The following DLEU7 variants were observed in gnomAD, a reference collection of about 807,000 sequenced individuals.
The protein encoded by DLEU7 is leukemia-associated protein 7.
DLEU7 carries 17 observed loss-of-function variants against 16.0 expected under a neutral mutation model. The ratio of observed to expected loss-of-function variants is 1.06; its 90% CI spans 0.73 to 1.59. The LOEUF is 1.59. Ranked by LOEUF, DLEU7 falls within the 40% of genes most tolerant of loss-of-function variation. The pLI is 0.00. For synonymous variants in DLEU7, 113 were observed against 139.8 expected (o/e 0.81, Z 1.35); for missense variants, 308 against 314.9 (o/e 0.98, Z 0.17).
chr13:50,841,938 C>A (rs1006579606), intron 1 of DLEU7, among the ~76,000 whole-genome samples: 7 of 151,688 alleles, frequency 4.6e-5, no homozygotes, highest in African/African-American at 1.4e-4. Context: ...TTGCCTCCCA[C>A]CCCACCGCCC....
intron 1 of DLEU7, among the ~76,000 whole-genome samples, chr13:50,745,667 A>G (rs546101584): frequency 1.3e-5 from 2 of 152,290 alleles, no homozygotes; most frequent in South Asian, 4.1e-4. Context: ...TAAAATGCTG[A>G]AAGAAGTCAT....
At chr13:50,738,882 AG>A (rs1593535299) in intron 1 of DLEU7, among the ~76,000 whole-genome samples, 1 of 151,794 alleles carries the variant, frequency 6.6e-6, no homozygotes, top group African/African-American at 2.4e-5. Context: ...ATGATCTACA[AG>A]TTCTTAGGTG....
intron 1 of DLEU7, among the ~76,000 whole-genome samples, chr13:50,756,861 T>C (rs997182459): frequency 6.6e-6 from 1 of 152,210 alleles, no homozygotes; most frequent in Non-Finnish European, 1.5e-5. Context: ...AATAGCCTGC[T>C]TGGGGACCCA....
intron 1 of DLEU7, among the ~76,000 whole-genome samples, chr13:50,745,797 T>C (rs1443578942): frequency 6.6e-6 from 1 of 152,156 alleles, no homozygotes; most frequent in African/African-American, 2.4e-5. Flanking sequence ...TGAATGGCAG[T>C]GAATTTCCTG....
intron 1 of DLEU7, among the ~76,000 whole-genome samples, chr13:50,798,137 A>T (rs770191809): frequency 6.6e-6 from 1 of 152,204 alleles, no homozygotes; most frequent in Non-Finnish European, 1.5e-5. Flanking sequence ...CCTTGATGGC[A>T]GTTGTCTATT....
intron 1 of DLEU7, among the ~76,000 whole-genome samples, chr13:50,814,799 A>G (rs968758079): frequency 1.9e-5 from 2 of 107,972 alleles, no homozygotes; most frequent in African/African-American, 6.6e-5. Context: ...GTTCTATGCA[A>G]TTTAATCCTG....
chr13:50,762,189 CAAAA>C (rs71085045), intron 1 of DLEU7, among the ~76,000 whole-genome samples: 3 of 84,284 alleles, frequency 3.6e-5, no homozygotes, highest in Admixed American at 1.4e-4. Flanking sequence ...AGACTCGTCT[CAAAA>C]AAAAAAAAAA....
At chr13:50,754,293 T>G (rs1017729962) in intron 1 of DLEU7, among the ~76,000 whole-genome samples, 4 of 152,242 alleles carry the variant, frequency 2.6e-5, no homozygotes, top group African/African-American at 9.6e-5. Context: ...ACTATTATTG[T>G]GTTGCTGTCT....
chr13:50,835,802 A>C (rs2137813892), intron 1 of DLEU7, among the ~76,000 whole-genome samples: 1 of 152,360 alleles, frequency 6.6e-6, no homozygotes, highest in South Asian at 2.1e-4. Context: ...TTCTTGAACA[A>C]CTGAAAATGC....
At chr13:50,781,212 A>G (rs550483149) in intron 1 of DLEU7, among the ~76,000 whole-genome samples, 5 of 152,334 alleles carry the variant, frequency 3.3e-5, no homozygotes, top group African/African-American at 1.2e-4. Flanking sequence ...GCTTTTGTTC[A>G]TGAGGGTTGT....
At chr13:50,816,787 G>A (rs936617710) in intron 1 of DLEU7, among the ~76,000 whole-genome samples, 2 of 152,100 alleles carry the variant, frequency 1.3e-5, no homozygotes, top group Admixed American at 1.3e-4. Context: ...GATATCCCAA[G>A]GACATTAATT....
At chr13:50,803,517 T>A (rs900562776) in intron 1 of DLEU7, among the ~76,000 whole-genome samples, 1 of 152,098 alleles carries the variant, frequency 6.6e-6, no homozygotes, top group Non-Finnish European at 1.5e-5. Context: ...ACTTGAAATG[T>A]GGCTAGTTCC....
At chr13:50,745,678 G>A (rs747881902) in intron 1 of DLEU7, among the ~76,000 whole-genome samples, 1 of 152,132 alleles carries the variant, frequency 6.6e-6, no homozygotes, top group Non-Finnish European at 1.5e-5. Flanking sequence ...AAGAAGTCAT[G>A]ACAAGCTGAA....
chr13:50,783,849 C>T (rs1166772394), intron 1 of DLEU7, among the ~76,000 whole-genome samples: 1 of 152,212 alleles, frequency 6.6e-6, no homozygotes, highest in East Asian at 1.9e-4. Flanking sequence ...CTGCCATAGG[C>T]TCTCCCCATG....
chr13:50,798,597 T>C (rs1028689772), intron 1 of DLEU7, among the ~76,000 whole-genome samples: 5 of 152,168 alleles, frequency 3.3e-5, no homozygotes, highest in Non-Finnish European at 7.4e-5. Context: ...GGGGACTCTT[T>C]GTACTATATT....
At chr13:50,834,544 A>G (rs1209257072) in intron 1 of DLEU7, among the ~76,000 whole-genome samples, 1 of 152,214 alleles carries the variant, frequency 6.6e-6, no homozygotes, top group Non-Finnish European at 1.5e-5. Flanking sequence ...AGGAAACAAC[A>G]TATGCGGGAG....
At chr13:50,788,313 TAGAG>T (rs1005130957) in intron 1 of DLEU7, among the ~76,000 whole-genome samples, 3 of 152,216 alleles carry the variant, frequency 2.0e-5, no homozygotes, top group African/African-American at 7.2e-5. Context: ...AGCCTCCTCT[TAGAG>T]AGGGGGTGGA....
intron 1 of DLEU7, among the ~76,000 whole-genome samples, chr13:50,800,676 G>A (rs768185293): frequency 2.6e-5 from 4 of 152,018 alleles, no homozygotes; most frequent in Non-Finnish European, 5.9e-5. Flanking sequence ...CAAAATAATC[G>A]TGCTGAATGA....
chr13:50,735,571 T>C (rs982868842), intron 1 of DLEU7, among the ~76,000 whole-genome samples: 1 of 151,076 alleles, frequency 6.6e-6, no homozygotes, highest in African/African-American at 2.4e-5. Context: ...CAAGAAAAAA[T>C]AGAAAATATA....
Sources: gnomAD v4.1 joint callset for allele counts (sites outside exome capture counted in the v4.1 genomes callset) on GRCh38, gnomAD v4.1.1 for gene constraint, MANE v1.5 for transcripts, NCBI Gene and HGNC (gene_info 2026-07-23, HGNC 2026-07-21) for gene names.